The following NHSL2 variants were observed in gnomAD, a reference collection of about 807,000 sequenced individuals.
NHSL2 encodes the protein NHS-like protein 2.
Under a neutral mutation model 53.4 loss-of-function variants are expected in NHSL2, and 27 were observed. The observed-to-expected ratio is 0.51, with a 90% CI of 0.37 to 0.70. The LOEUF is 0.70. Ranked by LOEUF, NHSL2 falls within the 30% of genes least tolerant of loss-of-function variation. NHSL2 has a pLI of 0.00. For missense variants in NHSL2, 892 were observed against 980.1 expected (o/e 0.91, Z 1.20); for synonymous variants, 408 against 404.1 (o/e 1.01, Z -0.12).
chrX:71,912,866 G>A (rs1569461869), intron 1 of NHSL2, among the ~76,000 whole-genome samples: 1 of 111,723 alleles, frequency 9.0e-6, no homozygotes, highest in African/African-American at 3.3e-5. Context: ...GTTAAGGACA[G>A]TTTTTTCAAC....
At chrX:72,091,790 C>T (rs2041902324) in intron 1 of NHSL2, among the ~76,000 whole-genome samples, 1 of 111,349 alleles carries the variant, frequency 9.0e-6, no homozygotes, top group Non-Finnish European at 1.9e-5. Context: ...ACCCATGATC[C>T]ACAAACCCAC....
chrX:72,026,478 G>A (rs566249009), intron 1 of NHSL2, among the ~76,000 whole-genome samples: 24 of 112,432 alleles, frequency 2.1e-4, no homozygotes, highest in African/African-American at 7.8e-4. Flanking sequence ...GCCCAGGCAT[G>A]GGGAGGAGGT....
At chrX:71,981,491 C>T (rs766278314) in intron 1 of NHSL2, among the ~76,000 whole-genome samples, 38 of 97,718 alleles carry the variant, frequency 3.9e-4, no homozygotes, top group African/African-American at 1.3e-3. Flanking sequence ...GAGCAGAGAT[C>T]GTGCCACTGC....
At chrX:72,077,100 C>T (rs1004340067) in intron 1 of NHSL2, among the ~76,000 whole-genome samples, 2 of 110,368 alleles carry the variant, frequency 1.8e-5, no homozygotes, top group African/African-American at 6.6e-5. Flanking sequence ...ATGTGCAATC[C>T]CCTCCCCGAT....
intron 1 of NHSL2, among the ~76,000 whole-genome samples, chrX:71,980,370 G>C (rs142117827): frequency 0.014 from 1,592 of 111,343 alleles, 38 homozygotes; most frequent in African/African-American, 0.049. Context: ...CCATTTTCAC[G>C]ATATTGATTC....
chrX:72,038,699 T>A (rs1015399225), intron 1 of NHSL2, among the ~76,000 whole-genome samples: 1 of 112,472 alleles, frequency 8.9e-6, no homozygotes, highest in Non-Finnish European at 1.9e-5. Flanking sequence ...GTGTTATGAT[T>A]GGTCCAAAAG....
intron 1 of NHSL2, chrX:72,130,596 C>T: frequency 8.3e-7 from 1 of 1,211,571 alleles, no homozygotes; most frequent in Non-Finnish European, 1.1e-6. Context: ...GCGGGATAGG[C>T]TTGGGAACGC....
chrX:71,993,744 C>T (rs1256409163), intron 1 of NHSL2, among the ~76,000 whole-genome samples: 5 of 111,530 alleles, frequency 4.5e-5, no homozygotes, highest in African/African-American at 1.6e-4. Flanking sequence ...CTACACTCCC[C>T]ACCTGCCTCC....
intron 1 of NHSL2, among the ~76,000 whole-genome samples, chrX:72,069,426 AGAGAGAGACT>A (rs953185073): frequency 2.7e-5 from 3 of 110,559 alleles, no homozygotes; most frequent in Non-Finnish European, 5.7e-5. Context: ...GAAGAGAGAG[AGAGAGAGACT>A]GAGAGAGACT....
intron 1 of NHSL2, among the ~76,000 whole-genome samples, chrX:72,078,136 A>C (rs2041759421): frequency 8.8e-6 from 1 of 113,066 alleles, no homozygotes. Flanking sequence ...GCCCAAGGGC[A>C]CACAGGCTGT....
In NHSL2 at chrX:72,025,907, G is replaced by A. The variant is rs111331648; in HGVS notation, c.281-106172G>A. ...TGGACCCATTGCTTAACCTCTTGAT[G>A]CCTCAGTTTCCTCAATGTAAAATGA... is the stretch of plus-strand genomic sequence containing the variant. On this transcript the variant is annotated intron_variant, in intron 1 of 7. Transcript: ENST00000633930. 2.9e-3 allele frequency among the ~76,000 whole-genome samples: 327 copies of A among 112,157 alleles called. 1 individual carries two copies. Among genetic ancestry groups the A allele is most frequent in the African/African-American group, 0.01 (310 of 30,826 alleles).
chrX:72,144,575 C>A lies in NHSL2; in HGVS notation c.*1001C>A, dbSNP rs1414730569. On this transcript the variant is annotated 3_prime_UTR_variant, in exon 8 of 8. Coordinates refer to ENST00000633930, the MANE Select transcript of NHSL2 (RefSeq NM_001013627.3). ...TTGCCCCCCACCAGTCAATTCAGATCGTGGTTTGTGGTTGGTTTGGTTTTG... is the reference window on the plus strand; with the variant it reads ...TTGCCCCCCACCAGTCAATTCAGATAGTGGTTTGTGGTTGGTTTGGTTTTG... 2 of 1,016,615 alleles carry A rather than the reference C, an allele frequency of 2.0e-6. No individual in the cohort carries two copies. The highest frequency in any genetic ancestry group is 2.0e-5 in the African/African-American group (1 of 51,061). The allele number at this position is 1,016,615 out of a possible 1,213,427, so 83.8% of individuals were successfully genotyped here.
intron 1 of NHSL2, among the ~76,000 whole-genome samples, chrX:71,978,866 C>G (rs2041961363): frequency 9.5e-6 from 1 of 105,538 alleles, no homozygotes; most frequent in Non-Finnish European, 1.9e-5. Flanking sequence ...CACCCATTAG[C>G]TCGTCACTTA....
intron 1 of NHSL2, among the ~76,000 whole-genome samples, chrX:71,994,601 G>C (rs2042041822): frequency 9.0e-6 from 1 of 111,451 alleles, no homozygotes; most frequent in Non-Finnish European, 1.9e-5. Context: ...ATGTACCCCT[G>C]AACCTAAAAT....
At chrX:71,988,071 G>A (rs188719302) in intron 1 of NHSL2, among the ~76,000 whole-genome samples, 44 of 112,060 alleles carry the variant, frequency 3.9e-4, no homozygotes, top group African/African-American at 1.3e-3. Context: ...CGAGACAGTC[G>A]CCCTGAGTAA....
chrX:72,073,872 G>A (rs1438442040), intron 1 of NHSL2, among the ~76,000 whole-genome samples: 1 of 112,217 alleles, frequency 8.9e-6, no homozygotes, highest in Admixed American at 9.4e-5. Context: ...CTTGTGGTAG[G>A]GCTAGCAAAT....
intron 1 of NHSL2, chrX:72,131,257 T>C: frequency 2.5e-6 from 3 of 1,197,771 alleles, no homozygotes; most frequent in Non-Finnish European, 3.4e-6. Context: ...ACAGTCGGGC[T>C]CCGCGCGTGG....
At chrX:72,067,675 T>C (rs761359463) in intron 1 of NHSL2, among the ~76,000 whole-genome samples, 3 of 112,425 alleles carry the variant, frequency 2.7e-5, no homozygotes, top group East Asian at 5.6e-4. Context: ...CTTCTGGCCC[T>C]TCATGCTTGC....
chrX:71,951,564 G>C (rs910573967), intron 1 of NHSL2, among the ~76,000 whole-genome samples: 1 of 111,840 alleles, frequency 8.9e-6, no homozygotes, highest in Non-Finnish European at 1.9e-5. Context: ...CAGCCTATTG[G>C]GTGCAAGGTG....
Sources: gnomAD v4.1 joint callset for allele counts (sites outside exome capture counted in the v4.1 genomes callset) on GRCh38, gnomAD v4.1.1 for gene constraint, MANE v1.5 for transcripts, NCBI Gene and HGNC (gene_info 2026-07-23, HGNC 2026-07-21) for gene names.